ZNF638: variants seen among roughly 807,000 people sequenced by gnomAD.
ZNF638 encodes the protein CTCL tumor antigen se33-1.
In ZNF638, 46 loss-of-function variants were observed where a neutral mutation model predicts 195.6. The ratio of observed to expected loss-of-function variants is 0.24; its 90% CI spans 0.19 to 0.30. The LOEUF is 0.30. Among genes scored for constraint, ZNF638 ranks in the 10% least tolerant of loss-of-function variants. The probability of loss-of-function intolerance (pLI) is 1.00; values close to 1 mark genes in which losing one functional copy is unlikely to be tolerated. For missense variants in ZNF638, 2,440 were observed against 2,325.3 expected (o/e 1.05, Z -1.01); for synonymous variants, 845 against 772.0 (o/e 1.09, Z -1.57).
chr2:71,354,890 A>G (rs1474612727), intron 2 of ZNF638, among the ~76,000 whole-genome samples: 1 of 152,132 alleles, frequency 6.6e-6, no homozygotes, highest in Non-Finnish European at 1.5e-5. Context: ...GTTTTTCCTA[A>G]TCTTATTTGC....
intron 11 of ZNF638, 100 bp from the exon 12 acceptor site, chr2:71,398,601 C>T (rs2079942977): frequency 1.1e-6 from 1 of 928,202 alleles, no homozygotes; most frequent in Non-Finnish European, 1.8e-6. Flanking sequence ...TTGAATAAAA[C>T]ACAGCCTATT....
At chr2:71,376,033 G>A (rs1365858896) in intron 8 of ZNF638, 1 of 152,114 alleles carries the variant, frequency 6.6e-6, no homozygotes, top group Non-Finnish European at 1.5e-5. Flanking sequence ...CATAGGTAAG[G>A]ATACATTTAA....
chr2:71,355,731 C>A lies in ZNF638; in HGVS notation c.1330C>A (p.His444Asn). The change falls in exon 3 of 28, where the codon CAT becomes AAT. Residue 444 changes from histidine (H) to asparagine (N), a missense_variant. Physicochemically the swap from His to Asn is moderately conservative, Grantham distance 68. Coordinates refer to ENST00000264447, the MANE Select transcript of ZNF638 (RefSeq NM_014497.5). ...ECSHLKDWIQHQNTSTHIESC... is the reference protein window; with the variant it reads ...ECSHLKDWIQNQNTSTHIESC... ...CCTTTTACAATAGGATTGGATTCAG[C>A]ATCAAAATACATCTACTCATATTGA... is the stretch of plus-strand genomic sequence containing the variant. 1 of 1,597,462 alleles carries A rather than the reference C, an allele frequency of 6.3e-7. No homozygotes were observed. Among genetic ancestry groups the A allele is most frequent in the Non-Finnish European group, 8.5e-7 (1 of 1,171,184 alleles).
chr2:71,374,583 T>G (rs1025540281), intron 8 of ZNF638, among the ~76,000 whole-genome samples: 1 of 152,254 alleles, frequency 6.6e-6, no homozygotes, highest in Non-Finnish European at 1.5e-5. Flanking sequence ...AATACTGTGT[T>G]GAATTCGTGA....
intron 11 of ZNF638, among the ~76,000 whole-genome samples, 158 bp from the exon 12 acceptor site, chr2:71,398,543 A>G (rs2079942058): frequency 6.6e-6 from 1 of 152,186 alleles, no homozygotes; most frequent in Non-Finnish European, 1.5e-5. Flanking sequence ...CATCATTGCT[A>G]GATTTAGAAA....
intron 3 of ZNF638, among the ~76,000 whole-genome samples, chr2:71,357,504 C>T (rs777585979): frequency 9.2e-5 from 14 of 152,084 alleles, no homozygotes; most frequent in Non-Finnish European, 1.8e-4. Flanking sequence ...CCCAGAGGTA[C>T]CCAGTGGGAT....
At chr2:71,358,499 C>A (rs2079059536) in intron 3 of ZNF638, among the ~76,000 whole-genome samples, 1 of 152,226 alleles carries the variant, frequency 6.6e-6, no homozygotes. Context: ...CTGGTAAGAA[C>A]TGCAACTGGA....
In ZNF638 at chr2:71,331,814, A is replaced by C; in HGVS notation, c.-264A>C. On this transcript the variant is annotated 5_prime_UTR_variant, in exon 1 of 28. Transcript: ENST00000264447. Reference sequence around the variant, plus strand: ...GTAGCGTTTTCGGCGTCGAGACTGGAGGCTGAGTGCTAAACTGTGTGGGGC... The same window carrying C: ...GTAGCGTTTTCGGCGTCGAGACTGGCGGCTGAGTGCTAAACTGTGTGGGGC... 1 of 986,118 alleles carries C rather than the reference A, an allele frequency of 1.0e-6. No individual in the cohort carries two copies. Among genetic ancestry groups the C allele is most frequent in the Non-Finnish European group, 1.2e-6 (1 of 830,196 alleles). 61.1% of individuals were successfully genotyped at this position (986,118 alleles called of 1,614,324 possible).
chr2:71,342,431 C>T (rs989721448), intron 1 of ZNF638, among the ~76,000 whole-genome samples: 12 of 152,078 alleles, frequency 7.9e-5, no homozygotes, highest in Admixed American at 2.6e-4. Flanking sequence ...CCCTCACCTC[C>T]GCCCAGATTA....
At chr2:71,371,517 C>G (rs1189655358) in intron 8 of ZNF638, among the ~76,000 whole-genome samples, 2 of 152,080 alleles carry the variant, frequency 1.3e-5, no homozygotes, top group African/African-American at 4.8e-5. Flanking sequence ...TTGTTTTTGC[C>G]TGTCTTTTGG....
At chr2:71,339,506 T>C (rs1036364702) in intron 1 of ZNF638, among the ~76,000 whole-genome samples, 1 of 152,184 alleles carries the variant, frequency 6.6e-6, no homozygotes, top group Non-Finnish European at 1.5e-5. Context: ...AATGGAAACA[T>C]TTTTTGGCCA....
intron 21 of ZNF638, among the ~76,000 whole-genome samples, chr2:71,422,246 T>C (rs2080447674): frequency 6.6e-6 from 1 of 152,072 alleles, no homozygotes; most frequent in African/African-American, 2.4e-5. Context: ...ATGTTCTAAG[T>C]ATTATCATTA....
intron 25 of ZNF638, among the ~76,000 whole-genome samples, chr2:71,430,593 G>C (rs1250491280): frequency 6.6e-6 from 1 of 152,168 alleles, no homozygotes; most frequent in African/African-American, 2.4e-5. Context: ...TACCTCTTTT[G>C]ATTGTGCTTT....
At chr2:71,433,361 C>T in intron 27 of ZNF638, 78 bp downstream of exon 27, 1 of 1,024,164 alleles carries the variant, frequency 9.8e-7, no homozygotes, top group Non-Finnish European at 1.5e-6. Flanking sequence ...CCCAAACGTA[C>T]ATTTCCCCCC....
In ZNF638 at chr2:71,426,515, A is replaced by G. The variant is rs747331702; in HGVS notation, c.4646A>G (p.Glu1549Gly). Residue 1549 changes from glutamate (E) to glycine (G), a missense_variant, in exon 24 of 28, where the codon GAA (glutamate) becomes GGA (glycine). By Grantham distance (98) the Glu-to-Gly change is moderately conservative. This residue lies in a region of ZNF638 where 1,883 missense variants were observed against 1,739.1 expected (regional missense o/e 1.08). Coordinates refer to ENST00000264447, the MANE Select transcript of ZNF638 (RefSeq NM_014497.5). ...DEFVTVDEVI[E>G]EVNPSQAKQN... ...TTTGTTACTGTGGATGAGGTTATAGAAGAAGTGAATCCTTCTCAGGCCAAG... is the reference window on the plus strand; with the variant it reads ...TTTGTTACTGTGGATGAGGTTATAGGAGAAGTGAATCCTTCTCAGGCCAAG... 21 of 1,610,110 alleles carry G rather than the reference A, an allele frequency of 1.3e-5. No individual in the cohort carries two copies. Among genetic ancestry groups the G allele is most frequent in the Non-Finnish European group, 1.1e-5 (13 of 1,178,976 alleles).
rs746106704 is a variant in ZNF638, at chr2:71,364,233, G to A, written c.1698G>A (p.Arg566=). The change falls in exon 5 of 28, where the codon AGG becomes AGA. Residue 566 remains arginine, a synonymous_variant. Coordinates refer to ENST00000264447, the MANE Select transcript of ZNF638 (RefSeq NM_014497.5). ...CAGTTAGCCCTGAGAGGATGTCAAG[G>A]AGATCAGTGAGATCATCAGGTACAC... ...FRSVSPERMS[R]RSVRSSDRKK... is the part of the protein sequence containing the mutation. 1.2e-5 allele frequency: 19 copies of A among 1,613,576 alleles called. No individual in the cohort carries two copies. Among genetic ancestry groups the A allele is most frequent in the Middle Eastern group, 1.6e-4 (1 of 6,082 alleles).
intron 3 of ZNF638, among the ~76,000 whole-genome samples, chr2:71,358,645 G>A (rs1487825949): frequency 5.3e-5 from 8 of 152,192 alleles, no homozygotes; most frequent in Non-Finnish European, 8.8e-5. Context: ...TCTCCAGGCT[G>A]TGTCTCCTAA....
chr2:71,418,552 A>G, intron 20 of ZNF638, 50 bp from the exon 21 acceptor site: 1 of 1,295,258 alleles, frequency 7.7e-7, no homozygotes, highest in South Asian at 1.7e-5. Flanking sequence ...ATAGTTAAAT[A>G]TTTCAAATCC....
At chr2:71,354,368 A>G (rs1433110167) in intron 2 of ZNF638, among the ~76,000 whole-genome samples, 2 of 141,888 alleles carry the variant, frequency 1.4e-5, no homozygotes, top group African/African-American at 2.6e-5. Context: ...AACCAGATGT[A>G]TCTTCCAGAG....
Sources: gnomAD v4.1 joint callset for allele counts (sites outside exome capture counted in the v4.1 genomes callset) on GRCh38, gnomAD v4.1.1 for gene constraint, gnomAD v4.1.1 regional missense constraint, MANE v1.5 for transcripts, NCBI Gene and HGNC (gene_info 2026-07-23, HGNC 2026-07-21) for gene names.